The following LUZP2 variants were observed in gnomAD, a reference collection of about 807,000 sequenced individuals.
LUZP2 encodes the protein leucine zipper protein 2.
Under a neutral mutation model 51.6 loss-of-function variants are expected in LUZP2, and 52 were observed. The ratio of observed to expected loss-of-function variants is 1.01; its 90% CI spans 0.81 to 1.27. The LOEUF (loss-of-function observed/expected upper bound fraction) is 1.27. Among genes scored for constraint, LUZP2 ranks in the 50% most tolerant of loss-of-function variants. LUZP2 has a pLI of 0.00. For missense variants in LUZP2, 436 were observed against 395.4 expected, an observed-to-expected ratio of 1.10 and a Z score of -0.87; for synonymous variants, 154 against 137.3, an observed-to-expected ratio of 1.12 and a Z score of -0.85.
intron 1 of LUZP2, among the ~76,000 whole-genome samples, chr11:24,613,080 A>C (rs956441338): frequency 1.3e-5 from 2 of 152,134 alleles, no homozygotes; most frequent in Non-Finnish European, 2.9e-5. Context: ...CTTCTTCAGT[A>C]GCTATTTCTC....
rs146154055 is a variant in LUZP2 at position 24,995,571 on chromosome 11, G to GT, written c.765+12288dup. ...AAATTATTTCATTTTGCTTTTTAAA[G>GT]TTTTTTTTTTCTGAATTTAGTAAGC... On this transcript the variant is annotated intron_variant, in intron 9 of 11. Coordinates refer to ENST00000336930, the MANE Select transcript of LUZP2 (RefSeq NM_001009909.4). Among the ~76,000 whole-genome samples the GT allele has an allele frequency of 8.6e-3, 1,268 of 148,036 alleles. 17 individuals are homozygous for GT. Among genetic ancestry groups the GT allele is most frequent in the African/African-American group, 0.028 (1,149 of 40,644 alleles).
chr11:25,061,199 A>G (rs1858826080), intron 10 of LUZP2, among the ~76,000 whole-genome samples: 3 of 152,150 alleles, frequency 2.0e-5, no homozygotes, highest in Non-Finnish European at 4.4e-5. Context: ...ACATCACAGG[A>G]TTAGAGTCTT....
intron 4 of LUZP2, among the ~76,000 whole-genome samples, chr11:24,743,162 G>A (rs537893649): frequency 1.3e-5 from 2 of 152,150 alleles, no homozygotes; most frequent in East Asian, 3.9e-4. Context: ...TCTTGCTTTG[G>A]CTATGAGGGC....
intron 1 of LUZP2, among the ~76,000 whole-genome samples, chr11:24,694,974 C>G (rs1468162632): frequency 2.0e-5 from 3 of 151,574 alleles, no homozygotes; most frequent in African/African-American, 7.3e-5. Context: ...ATACCTAATG[C>G]ATACGGGGCT....
chr11:24,799,868 GAATT>G (rs1336494315), intron 5 of LUZP2, among the ~76,000 whole-genome samples: 1 of 152,216 alleles, frequency 6.6e-6, no homozygotes, highest in South Asian at 2.1e-4. Flanking sequence ...CTATCAGAAA[GAATT>G]AATCACAATT....
intron 5 of LUZP2, among the ~76,000 whole-genome samples, chr11:24,833,362 A>G (rs942565715): frequency 1.5e-4 from 23 of 152,136 alleles, no homozygotes; most frequent in African/African-American, 5.1e-4. Context: ...CATCACCACT[A>G]TTAATTTTGC....
At chr11:24,957,230 T>G (rs963644517) in intron 7 of LUZP2, among the ~76,000 whole-genome samples, 2 of 152,136 alleles carry the variant, frequency 1.3e-5, no homozygotes, top group African/African-American at 4.8e-5. Flanking sequence ...CTTTTTTAAA[T>G]TGCAAATTGG....
intron 1 of LUZP2, among the ~76,000 whole-genome samples, chr11:24,711,480 A>AATAG (rs1257981720): frequency 6.6e-6 from 1 of 150,614 alleles, no homozygotes; most frequent in African/African-American, 2.5e-5. Context: ...TAAATAAATA[A>AATAG]ATAAATAAAT....
intron 9 of LUZP2, among the ~76,000 whole-genome samples, chr11:25,017,427 G>A (rs1857191580): frequency 6.6e-6 from 1 of 152,070 alleles, no homozygotes; most frequent in Non-Finnish European, 1.5e-5. Flanking sequence ...ATCTTGAGTT[G>A]AACTTTGTAT....
At chr11:25,011,805 C>G (rs1199942460) in intron 9 of LUZP2, among the ~76,000 whole-genome samples, 1 of 151,902 alleles carries the variant, frequency 6.6e-6, no homozygotes, top group Non-Finnish European at 1.5e-5. Flanking sequence ...GGGCATCTAT[C>G]ACCTTGTAGA....
At chr11:24,846,934 C>T (rs1851219765) in intron 5 of LUZP2, among the ~76,000 whole-genome samples, 1 of 150,436 alleles carries the variant, frequency 6.6e-6, no homozygotes, top group South Asian at 2.1e-4. Flanking sequence ...TATATGTATA[C>T]ATACATATAT....
intron 1 of LUZP2, among the ~76,000 whole-genome samples, chr11:24,709,542 T>C (rs181227359): frequency 3.7e-4 from 57 of 152,326 alleles, no homozygotes; most frequent in African/African-American, 1.2e-3. Context: ...TTTGTAGTTA[T>C]CATATGCCTA....
At chr11:24,918,491 G>A (rs1209376226) in intron 7 of LUZP2, among the ~76,000 whole-genome samples, 1 of 151,800 alleles carries the variant, frequency 6.6e-6, no homozygotes, top group Non-Finnish European at 1.5e-5. Flanking sequence ...TGCAGAAAAG[G>A]CCTTTGACAA....
intron 6 of LUZP2, among the ~76,000 whole-genome samples, chr11:24,912,185 C>T (rs1829507305): frequency 6.6e-6 from 1 of 150,978 alleles, no homozygotes; most frequent in Non-Finnish European, 1.5e-5. Context: ...CTTTTCCTCT[C>T]TCCCACTTCC....
chr11:24,497,666 G>A (rs1849868288), intron 1 of LUZP2, among the ~76,000 whole-genome samples: 2 of 152,206 alleles, frequency 1.3e-5, no homozygotes, highest in African/African-American at 4.8e-5. Context: ...CCACCAGGCA[G>A]TGTCTTTACA....
intron 7 of LUZP2, among the ~76,000 whole-genome samples, chr11:24,968,620 C>T (rs1278153990): frequency 1.3e-5 from 2 of 152,048 alleles, no homozygotes; most frequent in East Asian, 1.9e-4. Context: ...TATGTGTAGA[C>T]CAACTCTCAG....
At chr11:24,510,981 A>T (rs1010200282) in intron 1 of LUZP2, among the ~76,000 whole-genome samples, 9 of 152,068 alleles carry the variant, frequency 5.9e-5, no homozygotes, top group African/African-American at 1.9e-4. Flanking sequence ...AGCAGCATGG[A>T]GGAAGGACAC....
At chr11:24,613,957 G>A (rs930641186) in intron 1 of LUZP2, among the ~76,000 whole-genome samples, 3 of 151,894 alleles carry the variant, frequency 2.0e-5, no homozygotes, top group Non-Finnish European at 4.4e-5. Context: ...ACAGTTAACC[G>A]CCAACTCTTT....
intron 1 of LUZP2, among the ~76,000 whole-genome samples, chr11:24,616,213 G>T (rs768543536): frequency 6.6e-6 from 1 of 151,890 alleles, no homozygotes; most frequent in South Asian, 2.1e-4. Flanking sequence ...TTATGAAAGA[G>T]AACTTACCAT....
Sources: allele counts gnomAD v4.1 joint callset (sites outside exome capture counted in the v4.1 genomes callset), GRCh38; gene constraint gnomAD v4.1.1; transcripts MANE v1.5; gene names NCBI Gene and HGNC (gene_info 2026-07-23, HGNC 2026-07-21).